Variants in KIAA1217 observed in about 807,000 individuals in gnomAD.
The protein encoded by KIAA1217 is sickle tail protein homolog.
Under a neutral mutation model 163.9 loss-of-function variants are expected in KIAA1217, and 88 were observed. The observed-to-expected ratio is 0.54, with a 90% CI of 0.45 to 0.64. KIAA1217 has a LOEUF of 0.64. Ranked by LOEUF, KIAA1217 falls within the 30% of genes least tolerant of loss-of-function variation. The pLI is 0.00. For missense variants in KIAA1217, 2,372 were observed against 2,475.0 expected (o/e 0.96, Z 0.88); for synonymous variants, 903 against 923.1 (o/e 0.98, Z 0.39).
chr10:24,297,080 A>AGAAAC (rs2040711830), intron 2 of KIAA1217, among the ~76,000 whole-genome samples: 1 of 152,210 alleles, frequency 6.6e-6, no homozygotes, highest in East Asian at 1.9e-4. Context: ...GCTGTCTAGG[A>AGAAAC]ATAAAACAAG....
At chr10:24,180,782 A>G (rs961834077) in intron 2 of KIAA1217, among the ~76,000 whole-genome samples, 1 of 152,168 alleles carries the variant, frequency 6.6e-6, no homozygotes, top group African/African-American at 2.4e-5. Context: ...TGAGTCTTCT[A>G]TTGTTATTTA....
At chr10:24,514,630 A>G (rs1417861658) in intron 10 of KIAA1217, among the ~76,000 whole-genome samples, 1 of 152,170 alleles carries the variant, frequency 6.6e-6, no homozygotes, top group African/African-American at 2.4e-5. Context: ...TTTGTCTGAA[A>G]TGTCTTTGTG....
chr10:24,536,664 G>A (rs1006027154), intron 16 of KIAA1217, 110 bp from the exon 17 acceptor site: 27 of 1,144,270 alleles, frequency 2.4e-5, no homozygotes, highest in Middle Eastern at 2.0e-4. Context: ...CTAAACCTGC[G>A]TGCAGGACCC....
intron 1 of KIAA1217, among the ~76,000 whole-genome samples, chr10:23,734,947 C>T (rs994277999): frequency 1.3e-5 from 2 of 152,076 alleles, no homozygotes; most frequent in African/African-American, 4.8e-5. Context: ...CTGATTCTCT[C>T]CCTCCTCCCA....
intron 2 of KIAA1217, among the ~76,000 whole-genome samples, chr10:24,093,862 C>T (rs1411525235): frequency 7.1e-6 from 1 of 140,834 alleles, no homozygotes; most frequent in Non-Finnish European, 1.5e-5. Context: ...CATGTGTTCT[C>T]ATTGTTCAAT....
chr10:23,944,119 T>C (rs12773607), intron 1 of KIAA1217, among the ~76,000 whole-genome samples: 1 of 152,110 alleles, frequency 6.6e-6, no homozygotes, highest in Non-Finnish European at 1.5e-5. Flanking sequence ...CAAAAGATAA[T>C]GGGCATTAAT....
intron 2 of KIAA1217, among the ~76,000 whole-genome samples, chr10:24,021,303 C>A (rs190465969): frequency 1.3e-5 from 2 of 151,812 alleles, no homozygotes; most frequent in Non-Finnish European, 2.9e-5. Context: ...TTTCTGTATA[C>A]CAGCAATCAA....
At chr10:23,748,496 GGGAAA>G (rs1430014620) in intron 1 of KIAA1217, among the ~76,000 whole-genome samples, 2 of 141,828 alleles carry the variant, frequency 1.4e-5, no homozygotes, top group Non-Finnish European at 1.5e-5. Context: ...AAGGAAAGAA[GGGAAA>G]GGAGAGGAGA....
chr10:23,834,071 A>G (rs1386079208), intron 1 of KIAA1217, among the ~76,000 whole-genome samples: 1 of 152,024 alleles, frequency 6.6e-6, no homozygotes, highest in Non-Finnish European at 1.5e-5. Context: ...CCTACTGTTG[A>G]TGTTTTTGGC....
intron 1 of KIAA1217, among the ~76,000 whole-genome samples, chr10:23,789,948 C>T (rs185922166): frequency 1.1e-5 from 1 of 93,618 alleles, no homozygotes; most frequent in East Asian, 2.6e-4. Context: ...TATACATATA[C>T]ATGTATATAT....
intron 1 of KIAA1217, among the ~76,000 whole-genome samples, chr10:23,865,146 G>A (rs556717488): frequency 4.4e-4 from 67 of 152,088 alleles, no homozygotes; most frequent in African/African-American, 1.6e-3. Context: ...TCACCAACAA[G>A]GTAACATTGA....
At chr10:23,822,628 A>G (rs1398336043) in intron 1 of KIAA1217, among the ~76,000 whole-genome samples, 1 of 152,162 alleles carries the variant, frequency 6.6e-6, no homozygotes, top group East Asian at 1.9e-4. Context: ...CTCTCGTTCC[A>G]TTTGTCAGAT....
intron 2 of KIAA1217, among the ~76,000 whole-genome samples, chr10:24,284,986 T>C (rs1167713958): frequency 6.6e-6 from 1 of 152,226 alleles, no homozygotes; most frequent in Non-Finnish European, 1.5e-5. Flanking sequence ...TAATGATCAA[T>C]GATGATTAGC....
At chr10:24,517,622 A>C (rs2070402059) in intron 10 of KIAA1217, among the ~76,000 whole-genome samples, 1 of 152,152 alleles carries the variant, frequency 6.6e-6, no homozygotes, top group African/African-American at 2.4e-5. Context: ...CTAGAATATA[A>C]GTCTCCTTGT....
chr10:24,049,870 G>A (rs1849365224), intron 2 of KIAA1217, among the ~76,000 whole-genome samples: 1 of 152,168 alleles, frequency 6.6e-6, no homozygotes. Flanking sequence ...CTAGATCCTT[G>A]AGGAATCGCC....
At chr10:24,201,502 A>G (rs2067252293) in intron 2 of KIAA1217, among the ~76,000 whole-genome samples, 1 of 152,118 alleles carries the variant, frequency 6.6e-6, no homozygotes, top group African/African-American at 2.4e-5. Context: ...AGCCCTGGGG[A>G]GAAACACAAA....
chr10:24,060,459 A>T (rs980811431), intron 2 of KIAA1217, among the ~76,000 whole-genome samples: 1 of 152,140 alleles, frequency 6.6e-6, no homozygotes, highest in East Asian at 1.9e-4. Flanking sequence ...ATGGATTTCT[A>T]GTTTCATTTC....
chr10:23,945,327 C>A (rs796404795), intron 1 of KIAA1217, among the ~76,000 whole-genome samples: 1 of 152,082 alleles, frequency 6.6e-6, no homozygotes, highest in East Asian at 1.9e-4. Context: ...CCTGCAACCA[C>A]GTGGATGAAT....
intron 1 of KIAA1217, among the ~76,000 whole-genome samples, chr10:23,791,058 CG>C (rs1835923445): frequency 6.6e-6 from 1 of 151,952 alleles, no homozygotes; most frequent in Admixed American, 6.6e-5. Flanking sequence ...TTAAAGAATA[CG>C]TGGTTTTCCC....
Sources: allele counts gnomAD v4.1 joint callset (sites outside exome capture counted in the v4.1 genomes callset), GRCh38; gene constraint gnomAD v4.1.1; transcripts MANE v1.5; gene names NCBI Gene and HGNC (gene_info 2026-07-23, HGNC 2026-07-21).